The following ITGA9 variants were observed in gnomAD, a reference collection of about 807,000 sequenced individuals.
ITGA9 encodes integrin alpha-9.
In ITGA9, 56 loss-of-function variants were observed where a neutral mutation model predicts 127.8. The observed-to-expected ratio is 0.44, with a 90% CI of 0.35 to 0.55. ITGA9 has a LOEUF of 0.55. ITGA9 is among the 20% of genes least tolerant of loss of function. ITGA9 has a pLI of 0.00. For synonymous variants in ITGA9, 508 were observed against 514.5 expected (o/e 0.99, Z 0.17); for missense variants, 1,196 against 1,347.1 (o/e 0.89, Z 1.76).
intron 18 of ITGA9, among the ~76,000 whole-genome samples, chr3:37,698,565 T>A (rs746351064): frequency 1.2e-4 from 19 of 152,250 alleles, no homozygotes; most frequent in Admixed American, 9.2e-4. Flanking sequence ...TGCCACAATA[T>A]GTTTTCTCCA....
chr3:37,711,579 T>C (rs1701080165), intron 18 of ITGA9, among the ~76,000 whole-genome samples: 1 of 152,110 alleles, frequency 6.6e-6, no homozygotes, highest in Non-Finnish European at 1.5e-5. Context: ...CATTTTTTAA[T>C]TTTTCGTAGA....
chr3:37,526,221 T>C, intron 13 of ITGA9, 150 bp downstream of exon 13: 1 of 742,420 alleles, frequency 1.3e-6, no homozygotes, highest in Non-Finnish European at 2.4e-6. Context: ...CTCATTCTAA[T>C]TATTCTCTAT....
intron 23 of ITGA9, among the ~76,000 whole-genome samples, chr3:37,758,062 G>A (rs112306279): frequency 3.3e-5 from 5 of 151,478 alleles, no homozygotes; most frequent in East Asian, 3.8e-4. Flanking sequence ...GGTGGCTCAC[G>A]CCTGTAATCC....
chr3:37,736,948 A>G lies in ITGA9; in HGVS notation c.2199A>G (p.Glu733=). The part of the protein sequence containing the change: ...VIFDTSHLSG[E]EEVLSFIVTA... ...TTGATACAAGCCACCTGTCTGGGGA[A>G]GAGGAAGTTCTCAGCTTCATTGTTA... is the stretch of plus-strand genomic sequence containing the variant. Residue 733 remains glutamate, a synonymous_variant, in exon 20 of 28, where the codon GAA becomes GAG. Coordinates refer to ENST00000264741, the MANE Select transcript of ITGA9 (RefSeq NM_002207.3). The G allele has an allele frequency of 1.2e-6, 2 of 1,613,644 alleles. No homozygotes were observed. Among genetic ancestry groups the G allele is most frequent in the Non-Finnish European group, 1.7e-6 (2 of 1,179,526 alleles).
intron 18 of ITGA9, among the ~76,000 whole-genome samples, chr3:37,703,612 T>C (rs1559572726): frequency 6.6e-6 from 1 of 152,222 alleles, no homozygotes; most frequent in Non-Finnish European, 1.5e-5. Context: ...TGTAATTTTC[T>C]TTCTTGTCAG....
intron 23 of ITGA9, among the ~76,000 whole-genome samples, chr3:37,751,644 C>T (rs771994578): frequency 1.3e-5 from 2 of 152,114 alleles, no homozygotes; most frequent in Non-Finnish European, 2.9e-5. Flanking sequence ...CTGGAAGGGA[C>T]TTGGGCTCAC....
At chr3:37,720,746 C>T (rs1277082952) in intron 18 of ITGA9, among the ~76,000 whole-genome samples, 1 of 152,122 alleles carries the variant, frequency 6.6e-6, no homozygotes, top group Non-Finnish European at 1.5e-5. Flanking sequence ...AATTTCATAT[C>T]CTGTGGTCCT....
intron 15 of ITGA9, among the ~76,000 whole-genome samples, chr3:37,614,215 A>G (rs1192149317): frequency 6.6e-6 from 1 of 152,160 alleles, no homozygotes; most frequent in East Asian, 1.9e-4. Flanking sequence ...CATTTATTAA[A>G]TAGGGAATCC....
At chr3:37,524,439 G>A (rs1364298245) in intron 12 of ITGA9, among the ~76,000 whole-genome samples, 2 of 152,198 alleles carry the variant, frequency 1.3e-5, no homozygotes, top group African/African-American at 2.4e-5. Flanking sequence ...TTTTTGTACA[G>A]ATAGGAGTTT....
In ITGA9 at chr3:37,785,096, G is replaced by A. The variant is rs1221936010; in HGVS notation, c.2889+18G>A. On this transcript the variant is annotated intron_variant, in intron 26 of 27. Transcript: ENST00000264741. ...AGGTGACGGTGAGTCAGCCACCCCA[G>A]GACAGCCCTCCTCAGAGGGCAAGGG... The A allele has an allele frequency of 6.4e-7, 1 of 1,560,112 alleles. No homozygotes were observed. The highest frequency in any genetic ancestry group is 8.8e-7 in the Non-Finnish European group (1 of 1,130,944).
chr3:37,535,542 G>A (rs983408734), intron 14 of ITGA9, among the ~76,000 whole-genome samples: 1 of 152,186 alleles, frequency 6.6e-6, no homozygotes, highest in Non-Finnish European at 1.5e-5. Context: ...AAGTGTTGGG[G>A]TAAAGTGGAA....
intron 23 of ITGA9, among the ~76,000 whole-genome samples, chr3:37,750,934 T>G (rs985018022): frequency 6.6e-6 from 1 of 152,178 alleles, no homozygotes; most frequent in Non-Finnish European, 1.5e-5. Flanking sequence ...GTTGAGAGGA[T>G]TGTGAAAGCA....
chr3:37,781,544 A>G (rs1364520738), intron 25 of ITGA9, among the ~76,000 whole-genome samples: 1 of 152,214 alleles, frequency 6.6e-6, no homozygotes, highest in African/African-American at 2.4e-5. Context: ...AAACCACCTC[A>G]ACCAGTGCAT....
intron 26 of ITGA9, among the ~76,000 whole-genome samples, chr3:37,795,171 T>C (rs552539811): frequency 2.0e-5 from 3 of 152,314 alleles, no homozygotes; most frequent in African/African-American, 7.2e-5. Flanking sequence ...CATCTTGCCC[T>C]TGTCATTGAC....
chr3:37,758,717 C>T (rs908655488), intron 23 of ITGA9, among the ~76,000 whole-genome samples: 17 of 151,760 alleles, frequency 1.1e-4, no homozygotes, highest in Non-Finnish European at 2.1e-4. Flanking sequence ...TGTTGGAGGC[C>T]TTAACAATAA....
intron 18 of ITGA9, among the ~76,000 whole-genome samples, chr3:37,711,526 C>T (rs1350103100): frequency 1.3e-5 from 2 of 152,206 alleles, no homozygotes; most frequent in African/African-American, 4.8e-5. Flanking sequence ...ACCTCAGCCT[C>T]TGGAGTAGCT....
chr3:37,699,300 C>T (rs1700920854), intron 18 of ITGA9, among the ~76,000 whole-genome samples: 1 of 152,182 alleles, frequency 6.6e-6, no homozygotes, highest in South Asian at 2.1e-4. Flanking sequence ...TTTGGCCTCT[C>T]CACTTGCTGT....
chr3:37,519,861 T>G (rs1475620125), intron 11 of ITGA9, among the ~76,000 whole-genome samples: 6 of 152,156 alleles, frequency 3.9e-5, no homozygotes, highest in Non-Finnish European at 8.8e-5. Context: ...TTTTGCCGTA[T>G]CAGCTTGGTG....
At chr3:37,663,253 G>A (rs1304388162) in intron 17 of ITGA9, among the ~76,000 whole-genome samples, 5 of 152,152 alleles carry the variant, frequency 3.3e-5, no homozygotes, top group African/African-American at 1.2e-4. Context: ...CATCACATAT[G>A]ATAAAGAAAA....
Sources: gnomAD v4.1 joint callset for allele counts (sites outside exome capture counted in the v4.1 genomes callset) on GRCh38, gnomAD v4.1.1 for gene constraint, MANE v1.5 for transcripts, NCBI Gene and HGNC (gene_info 2026-07-23, HGNC 2026-07-21) for gene names.